Variants in CNTNAP2 observed in about 807,000 individuals in gnomAD.
CNTNAP2 encodes the protein contactin-associated protein-like 2.
Under a neutral mutation model 155.2 loss-of-function variants are expected in CNTNAP2, and 98 were observed. The observed-to-expected ratio is 0.63, with a 90% CI of 0.54 to 0.75. The LOEUF is 0.75. CNTNAP2 is among the 30% of genes least tolerant of loss of function. The pLI is 0.00. For synonymous variants in CNTNAP2, 651 were observed against 631.2 expected (o/e 1.03, Z -0.47); for missense variants, 1,727 against 1,688.1 (o/e 1.02, Z -0.40).
chr7:147,545,240 C>T (rs1221300432), intron 11 of CNTNAP2, among the ~76,000 whole-genome samples: 1 of 152,090 alleles, frequency 6.6e-6, no homozygotes, highest in Non-Finnish European at 1.5e-5. Flanking sequence ...ACAATACAAG[C>T]CCTAACTCCT....
intron 1 of CNTNAP2, among the ~76,000 whole-genome samples, chr7:146,412,210 C>G (rs1795876800): frequency 6.6e-6 from 1 of 152,178 alleles, no homozygotes; most frequent in Admixed American, 6.5e-5. Flanking sequence ...CAGGTCGGCT[C>G]CTGTTAACCA....
chr7:147,427,574 G>A (rs1242608106), intron 10 of CNTNAP2, among the ~76,000 whole-genome samples: 1 of 152,156 alleles, frequency 6.6e-6, no homozygotes, highest in African/African-American at 2.4e-5. Flanking sequence ...GAGATTGGGT[G>A]TTTTAGTGGG....
rs1388440676 is a variant in CNTNAP2, at chr7:146,151,661, T to TAC, written c.97+34689_97+34690insCA. On this transcript the variant is annotated intron_variant, in intron 1 of 23. Coordinates refer to ENST00000361727, the MANE Select transcript of CNTNAP2 (RefSeq NM_014141.6). ...ATATATATATATATATATATATATA[T>TAC]ATATATATATATATATATATGTATA... Among the ~76,000 whole-genome samples the TAC allele has an allele frequency of 3.5e-3, 142 of 40,476 alleles. 2 individuals carry two copies. The highest frequency in any genetic ancestry group is 5.7e-3 in the Non-Finnish European group (121 of 21,388). 26.6% of individuals were successfully genotyped at this position (40,476 alleles called of 152,430 possible).
At chr7:147,398,516 A>G (rs957029800) in intron 10 of CNTNAP2, among the ~76,000 whole-genome samples, 6 of 150,402 alleles carry the variant, frequency 4.0e-5, no homozygotes, top group African/African-American at 1.2e-4. Flanking sequence ...TGATTTGATG[A>G]GTAGAACTTA....
intron 8 of CNTNAP2, among the ~76,000 whole-genome samples, chr7:147,275,961 T>A (rs192004992): frequency 3.7e-4 from 56 of 152,158 alleles, no homozygotes; most frequent in Non-Finnish European, 7.2e-4. Context: ...TGAATCACAT[T>A]TACTGGTTTG....
chr7:147,977,000 C>T (rs1166831330), intron 14 of CNTNAP2, among the ~76,000 whole-genome samples: 1 of 152,134 alleles, frequency 6.6e-6, no homozygotes, highest in East Asian at 1.9e-4. Context: ...TGAGGGATCC[C>T]TCAGCCACAG....
At chr7:147,292,997 A>C (rs2116752677) in intron 8 of CNTNAP2, among the ~76,000 whole-genome samples, 1 of 152,198 alleles carries the variant, frequency 6.6e-6, no homozygotes, top group South Asian at 2.1e-4. Context: ...CAAACTCCAG[A>C]CCTTGGGTGA....
intron 15 of CNTNAP2, among the ~76,000 whole-genome samples, chr7:148,031,655 C>T (rs1303997589): frequency 2.0e-5 from 3 of 152,148 alleles, no homozygotes; most frequent in Non-Finnish European, 2.9e-5. Context: ...CAGAAATGTT[C>T]GGCCCAGGGT....
rs375642083 is a variant in CNTNAP2, at chr7:146,761,488, C to T, written c.98-12783C>T. 5.1e-4 allele frequency among the ~76,000 whole-genome samples: 78 copies of T among 152,128 alleles called. 1 individual carries two copies. In the South Asian group the frequency reaches 5.8e-3, roughly 11 times the overall value. On this transcript the variant is annotated intron_variant, in intron 1 of 23. Transcript: ENST00000361727. ...ATGTGAAGAAGAGCACTTTAGGCAGCGAGAACAAGTGTGTTTGTTCTGTTG... is the reference window on the plus strand; with the variant it reads ...ATGTGAAGAAGAGCACTTTAGGCAGTGAGAACAAGTGTGTTTGTTCTGTTG...
chr7:147,593,600 A>G lies in CNTNAP2; in HGVS notation c.1897+31343A>G, dbSNP rs371748477. ...AAATATCAATTTTAGAGGACCTATC[A>G]TGTAAAGAGGTGTTAGGATTAAATG... On this transcript the variant is annotated intron_variant, in intron 12 of 23. Coordinates refer to ENST00000361727, the MANE Select transcript of CNTNAP2 (RefSeq NM_014141.6). 3.9e-5 allele frequency among the ~76,000 whole-genome samples: 6 copies of G among 152,084 alleles called. No homozygotes were observed. The East Asian group carries it at 7.7e-4, about 20-fold the overall frequency.
intron 8 of CNTNAP2, among the ~76,000 whole-genome samples, chr7:147,172,327 G>C (rs909321346): frequency 2.0e-5 from 3 of 152,096 alleles, no homozygotes; most frequent in African/African-American, 7.2e-5. Context: ...AAATGTCAAA[G>C]GAAGGGTACA....
intron 1 of CNTNAP2, among the ~76,000 whole-genome samples, chr7:146,480,116 G>A (rs1796937756): frequency 6.6e-6 from 1 of 152,134 alleles, no homozygotes; most frequent in East Asian, 1.9e-4. Flanking sequence ...CTGGGAATGA[G>A]GTAATGATAA....
intron 1 of CNTNAP2, among the ~76,000 whole-genome samples, chr7:146,566,958 T>C (rs1584984633): frequency 6.6e-6 from 1 of 152,238 alleles, no homozygotes; most frequent in Non-Finnish European, 1.5e-5. Context: ...TTTTATTTTT[T>C]AATGAACTTA....
chr7:148,404,521 C>G (rs4725781), intron 22 of CNTNAP2, among the ~76,000 whole-genome samples: 1 of 152,102 alleles, frequency 6.6e-6, no homozygotes, highest in Non-Finnish European at 1.5e-5. Context: ...TCACTCAAAC[C>G]TTTTGCGGGA....
At chr7:147,911,672 C>T (rs1415093957) in intron 14 of CNTNAP2, among the ~76,000 whole-genome samples, 3 of 152,172 alleles carry the variant, frequency 2.0e-5, no homozygotes, top group African/African-American at 7.2e-5. Flanking sequence ...ATTTTGACTG[C>T]TCTAAGAACC....
At chr7:146,863,179 A>T (rs1285406082) in intron 3 of CNTNAP2, among the ~76,000 whole-genome samples, 2 of 152,196 alleles carry the variant, frequency 1.3e-5, no homozygotes, top group Admixed American at 1.3e-4. Flanking sequence ...AAAATTTTTC[A>T]TATTTAAGTC....
At chr7:147,892,019 TA>T (rs1799704350) in intron 13 of CNTNAP2, among the ~76,000 whole-genome samples, 1 of 152,014 alleles carries the variant, frequency 6.6e-6, no homozygotes, top group Non-Finnish European at 1.5e-5. Flanking sequence ...CTCTGAACGC[TA>T]AAAGGAGAAA....
chr7:147,626,829 G>A (rs1794987305), intron 12 of CNTNAP2, among the ~76,000 whole-genome samples: 1 of 152,112 alleles, frequency 6.6e-6, no homozygotes, highest in Non-Finnish European at 1.5e-5. Context: ...GCGTGTCCCT[G>A]TGAAAACATC....
At chr7:148,147,762 G>T in intron 17 of CNTNAP2, 53 bp downstream of exon 17, 1 of 1,483,024 alleles carries the variant, frequency 6.7e-7, no homozygotes. Context: ...TTAAGAGCCT[G>T]CACAATACAA....
Sources: allele counts gnomAD v4.1 joint callset (sites outside exome capture counted in the v4.1 genomes callset), GRCh38; gene constraint gnomAD v4.1.1; transcripts MANE v1.5; gene names NCBI Gene and HGNC (gene_info 2026-07-23, HGNC 2026-07-21).